Variants in ACE observed in about 807,000 individuals in gnomAD.
ACE encodes angiotensin I converting enzyme.
ACE carries 122 observed loss-of-function variants against 162.3 expected under a neutral mutation model. The observed-to-expected ratio is 0.75, with a 90% CI of 0.65 to 0.87. ACE has a LOEUF of 0.87. ACE is among the 40% of genes least tolerant of loss of function. ACE has a pLI of 0.00. For synonymous variants in ACE, 796 were observed against 720.6 expected, an observed-to-expected ratio of 1.10 and a Z score of -1.68; for missense variants, 1,799 against 1,735.1, an observed-to-expected ratio of 1.04 and a Z score of -0.65.
chr17:63,479,270 T>C (rs1300272548), intron 3 of ACE, among the ~76,000 whole-genome samples, 170 bp downstream of exon 3: 1 of 152,086 alleles, frequency 6.6e-6, no homozygotes, highest in Admixed American at 6.5e-5. Flanking sequence ...CCTGCTTCTC[T>C]TGGCAAGTGG....
Position 63,484,602 on chromosome 17 carries a change from C to T in ACE, c.1921+61C>T, listed in dbSNP as rs2029863531. 1 of 1,540,132 alleles carries T rather than the reference C, an allele frequency of 6.5e-7. No homozygotes were observed. On this transcript the variant is annotated intron_variant, in intron 12 of 24. Coordinates refer to ENST00000290866, the MANE Select transcript of ACE (RefSeq NM_000789.4). The surrounding 1 kb of genome is among the most constrained non-coding windows in gnomAD (Gnocchi z 4.0). ...TGGGTCCTCAACTCTGGGCTTGGCC[C>T]AGGCCCCAGGTTCCTGGTCAGCTCC...
At position 63,497,398 on chromosome 17, in the gene ACE, G is replaced by T; in HGVS notation, c.*32G>T. ...CCGGCTGGGTCGGCCCTGCCCAAGGGCCTCCCACCAGAGACTGGGATGGGA... is the reference window on the plus strand; with the variant it reads ...CCGGCTGGGTCGGCCCTGCCCAAGGTCCTCCCACCAGAGACTGGGATGGGA... On this transcript the variant is annotated 3_prime_UTR_variant, in exon 25 of 25. Coordinates refer to ENST00000290866, the MANE Select transcript of ACE (RefSeq NM_000789.4). The T allele has an allele frequency of 1.3e-6, 2 of 1,533,180 alleles. No individual in the cohort carries two copies. The highest frequency in any genetic ancestry group is 2.5e-5 in the East Asian group (1 of 40,812). The allele number at this position is 1,533,180 out of a possible 1,614,324, so 95.0% of individuals were successfully genotyped here.
At chr17:63,482,315 A>G (rs1599141085) in intron 7 of ACE, 151 bp from the exon 8 acceptor site, 1 of 712,594 alleles carries the variant, frequency 1.4e-6, no homozygotes, top group Non-Finnish European at 2.4e-6. Context: ...AAAAAAAAGA[A>G]AAAAAGAAGT....
rs773520398 is a variant in ACE, at chr17:63,484,912, C to T, written c.1922-324C>T. On this transcript the variant is annotated intron_variant, in intron 12 of 24. Coordinates refer to ENST00000290866, the MANE Select transcript of ACE (RefSeq NM_000789.4). The surrounding 1 kb of genome is among the most constrained non-coding windows in gnomAD (Gnocchi z 4.0). Reference sequence around the variant, plus strand: ...CTGCAGGACTTCCCAGCCTCCTCTTCCTGCTGCTCTGCTACGGGCACCCTC... The same window carrying T: ...CTGCAGGACTTCCCAGCCTCCTCTTTCTGCTGCTCTGCTACGGGCACCCTC... 55 of 1,594,232 alleles carry T rather than the reference C, an allele frequency of 3.4e-5. No homozygotes were observed. The South Asian group carries it at 6.2e-4, about 18-fold the overall frequency.
chr17:63,491,179 C>T lies in ACE; in HGVS notation c.2740-30C>T. On this transcript the variant is annotated intron_variant, in intron 18 of 24. Coordinates refer to ENST00000290866, the MANE Select transcript of ACE (RefSeq NM_000789.4). The surrounding 1 kb of genome is among the most constrained non-coding windows in gnomAD (Gnocchi z 4.4). The stretch of plus-strand genomic sequence containing the variant: ...GCACGCAGTCTGTCCCCGGAACCCC[C>T]AGTTTGGGCAGAACTCCCTCTGCTT... The T allele has an allele frequency of 1.2e-6, 2 of 1,613,574 alleles. No homozygotes were observed. Among genetic ancestry groups the T allele is most frequent in the Non-Finnish European group, 1.7e-6 (2 of 1,179,986 alleles).
In ACE at chr17:63,493,592, CCT is replaced by C. The variant is rs1170915014; in HGVS notation, c.3073_3074del (p.Ser1027TyrfsTer14). 1 of 1,614,036 alleles carries C rather than the reference CCT, an allele frequency of 6.2e-7. No individual in the cohort carries two copies. Among genetic ancestry groups the C allele is most frequent in the East Asian group, 2.2e-5 (1 of 44,884 alleles). ...ATGAGGCCATTGGGGACGTGCTAGC[CCT>C]CTCAGTGTCTACGCCCAAGCACCTG... Reference protein sequence around the residue: ...FHEAIGDVLALSVSTPKHLHS... With the variant: ...FHEAIGDVLAXSVSTPKHLHS... On this transcript the variant is annotated frameshift_variant, in exon 20 of 25. Coordinates refer to ENST00000290866, the MANE Select transcript of ACE (RefSeq NM_000789.4). LOFTEE classifies it high-confidence loss of function.
Position 63,479,018 on chromosome 17 carries a change from G to T in ACE, c.429G>T (p.Leu143=). 6.2e-7 allele frequency: 1 copy of T among 1,613,558 alleles called. No homozygotes were observed. Among genetic ancestry groups the T allele is most frequent in the Non-Finnish European group, 8.5e-7 (1 of 1,179,870 alleles). The stretch of plus-strand genomic sequence containing the variant: ...CTCTGACTCCCCAGTACAACGCCCT[G>T]CTAAGCAACATGAGCAGGATCTACT... ...PLAKRQQYNA[L]LSNMSRIYST... Residue 143 remains leucine (L), a synonymous_variant, in exon 3 of 25, where the codon CTG becomes CTT. Transcript: ENST00000290866.
chr17:63,477,522 T>G, intron 1 of ACE, 179 bp downstream of exon 1: 1 of 328,174 alleles, frequency 3.0e-6, no homozygotes, highest in Non-Finnish European at 4.6e-6. Flanking sequence ...CGGCCTGCGC[T>G]CCCAGCATGC....
intron 6 of ACE, 39 bp downstream of exon 6, chr17:63,481,227 GGGT>G: frequency 1.5e-6 from 2 of 1,377,902 alleles, no homozygotes; most frequent in Non-Finnish European, 2.0e-6. Context: ...TGGGGGTCGG[GGGT>G]GGGGCGCAAA....
At position 63,484,579 on chromosome 17, in the gene ACE, G is replaced by A. The variant is rs369144311; in HGVS notation, c.1921+38G>A. The A allele has an allele frequency of 1.9e-6, 3 of 1,582,230 alleles. No homozygotes were observed. The highest frequency in any genetic ancestry group is 2.3e-5 in the East Asian group (1 of 43,912). On this transcript the variant is annotated intron_variant, in intron 12 of 24. Transcript: ENST00000290866. This position sits in a 1 kb window ranked among gnomAD's most constrained non-coding sequence, Gnocchi z 4.0. Reference sequence around the variant, plus strand: ...GTGAGGATGGTGTGGGGCTAAGGTGGGTCCTCAACTCTGGGCTTGGCCCAG... The same window carrying A: ...GTGAGGATGGTGTGGGGCTAAGGTGAGTCCTCAACTCTGGGCTTGGCCCAG...
At chr17:63,496,136 G>A (rs576927425) in intron 22 of ACE, 59 of 526,608 alleles carry the variant, frequency 1.1e-4, no homozygotes, top group Non-Finnish European at 1.8e-4. Flanking sequence ...CCATGGAGCA[G>A]GCCCTCCTGA....
At position 63,478,020 on chromosome 17, in the gene ACE, G is replaced by C; in HGVS notation, c.339G>C (p.Thr113=). 6.2e-7 allele frequency: 1 copy of C among 1,610,224 alleles called. No individual in the cohort carries two copies. Among genetic ancestry groups the C allele is most frequent in the Non-Finnish European group, 8.5e-7 (1 of 1,178,610 alleles). The change falls in exon 2 of 25, where the codon ACG becomes ACC. Residue 113 remains threonine, a synonymous_variant. Coordinates refer to ENST00000290866, the MANE Select transcript of ACE (RefSeq NM_000789.4). ...ELYEPIWQNF[T]DPQLRRIIGA... Reference sequence around the variant, plus strand: ...ATGAACCGATCTGGCAGAACTTCACGGACCCGCAGCTGCGCAGGATCATCG... The same window carrying C: ...ATGAACCGATCTGGCAGAACTTCACCGACCCGCAGCTGCGCAGGATCATCG...
In ACE at chr17:63,489,039, C is replaced by G; in HGVS notation, c.2548C>G (p.Leu850Val). 6.2e-7 allele frequency: 1 copy of G among 1,614,186 alleles called. No individual in the cohort carries two copies. Among genetic ancestry groups the G allele is most frequent in the East Asian group, 2.2e-5 (1 of 44,882 alleles). Residue 850 changes from leucine (L) to valine (V), a missense_variant, in exon 17 of 25, where the codon CTC becomes GTC. Transcript: ENST00000290866. ...RLFQELQPLY[L>V]NLHAYVRRAL... ...CTTCCAGGAGCTGCAGCCACTCTAC[C>G]TCAACCTGCATGCCTACGTGCGCCG...
chr17:63,484,279 C>G lies in ACE; in HGVS notation c.1710-51C>G, dbSNP rs1308774855. The G allele has an allele frequency of 2.1e-5, 33 of 1,565,532 alleles. No homozygotes were observed. Among genetic ancestry groups the G allele is most frequent in the Non-Finnish European group, 2.8e-5 (32 of 1,155,742 alleles). On this transcript the variant is annotated intron_variant, in intron 11 of 24. Coordinates refer to ENST00000290866, the MANE Select transcript of ACE (RefSeq NM_000789.4). The surrounding 1 kb of genome is among the most constrained non-coding windows in gnomAD (Gnocchi z 4.0). ...GGGCATGTGGGCCGGGGTCCAGGAG[C>G]AGACTCCAGCCTGAGTCCCCTGTGC...
chr17:63,485,249 T>C lies in ACE; in HGVS notation c.1935T>C (p.Asp645=), dbSNP rs753318005. The C allele has an allele frequency of 1.2e-6, 2 of 1,614,086 alleles. No homozygotes were observed. The highest frequency in any genetic ancestry group is 1.7e-5 in the Admixed American group (1 of 60,022). ...TCTGTCCCACAGACCTGGTGACTGA[T>C]GAGGCTGAGGCCAGCAAGTTTGTGG... is the stretch of plus-strand genomic sequence containing the variant. ...NYPEGIDLVT[D]EAEASKFVEE... The change falls in exon 13 of 25, where the codon GAT becomes GAC. Residue 645 remains aspartate, a synonymous_variant. Coordinates refer to ENST00000290866, the MANE Select transcript of ACE (RefSeq NM_000789.4).
At position 63,487,027 on chromosome 17, in the gene ACE, GGCCACTGTGT is replaced by G. The variant is rs772172179; in HGVS notation, c.2265_2274del (p.Val756ArgfsTer12). ...TGGATATGGAAACCACCTACAGCGT[GGCCACTGTGT>G]GCCACCCGAATGGCAGCTGCCTGCA... On this transcript the variant is annotated frameshift_variant, in exon 15 of 25. Coordinates refer to ENST00000290866, the MANE Select transcript of ACE (RefSeq NM_000789.4). LOFTEE classifies it high-confidence loss of function. The G allele has an allele frequency of 6.2e-7, 1 of 1,613,894 alleles. No individual in the cohort carries two copies. The highest frequency in any genetic ancestry group is 1.7e-5 in the Admixed American group (1 of 60,026).
Position 63,480,460 on chromosome 17 carries a change from G to A in ACE, c.779G>A (p.Arg260His), listed in dbSNP as rs150011877. 1.1e-5 allele frequency: 18 copies of A among 1,614,056 alleles called. No homozygotes were observed. Among genetic ancestry groups the A allele is most frequent in the East Asian group, 2.2e-5 (1 of 44,882 alleles). ...CTGAACCTCCATGCCTTCGTCCGCC[G>A]CGCACTGCATCGCCGATACGGAGAC... ...LYLNLHAFVR[R>H]ALHRRYGDRY... The change falls in exon 5 of 25, where the codon CGC (arginine) becomes CAC (histidine). Residue 260 changes from arginine to histidine, a missense_variant. By Grantham distance (29) the Arg-to-His change is conservative (BLOSUM62 0). Coordinates refer to ENST00000290866, the MANE Select transcript of ACE (RefSeq NM_000789.4).
intron 2 of ACE, 38 bp from the exon 3 acceptor site, chr17:63,478,969 G>C: frequency 6.4e-7 from 1 of 1,556,976 alleles, no homozygotes; most frequent in Non-Finnish European, 8.8e-7. Flanking sequence ...TGTCCCAGGG[G>C]CTGGTCACTG....
At chr17:63,482,301 A>C (rs1419856213) in intron 7 of ACE, among the ~76,000 whole-genome samples, 165 bp from the exon 8 acceptor site, 2 of 124,102 alleles carry the variant, frequency 1.6e-5, no homozygotes, top group Non-Finnish European at 3.5e-5. Context: ...ACGCTGTCTC[A>C]AAAAAAAAAA....
Sources: gnomAD v4.1 joint callset for allele counts (sites outside exome capture counted in the v4.1 genomes callset) on GRCh38, gnomAD v4.1.1 for gene constraint, Gnocchi (gnomAD v3.1) non-coding constraint, MANE v1.5 for transcripts, NCBI Gene and HGNC (gene_info 2026-07-23, HGNC 2026-07-21) for gene names.